APBB1IP: variants seen among roughly 807,000 people sequenced by gnomAD.
The protein encoded by APBB1IP is amyloid beta A4 precursor protein-binding family B member 1-interacting protein.
A neutral mutation model predicts 64.9 loss-of-function variants in APBB1IP; 27 were observed. That is an observed-to-expected ratio of 0.42 (90% CI 0.31 to 0.57). APBB1IP has a LOEUF of 0.57. Among genes scored for constraint, APBB1IP ranks in the 20% least tolerant of loss-of-function variants. APBB1IP has a pLI of 0.20. For missense variants in APBB1IP, 812 were observed against 845.5 expected (o/e 0.96, Z 0.49); for synonymous variants, 392 against 331.0 (o/e 1.18, Z -2.00).
chr10:26,492,967 G>C (rs1306372959), intron 3 of APBB1IP, among the ~76,000 whole-genome samples: 1 of 152,162 alleles, frequency 6.6e-6, no homozygotes, highest in East Asian at 1.9e-4. Context: ...GCCAGGGCAT[G>C]TTTCATCCGT....
chr10:26,449,050 G>A (rs1027977496), intron 2 of APBB1IP, among the ~76,000 whole-genome samples: 1 of 152,204 alleles, frequency 6.6e-6, no homozygotes. Context: ...TGGAAAATGG[G>A]TTGGAGATGC....
At chr10:26,515,203 C>T (rs1004243078) in intron 8 of APBB1IP, among the ~76,000 whole-genome samples, 4 of 152,080 alleles carry the variant, frequency 2.6e-5, no homozygotes, top group African/African-American at 7.2e-5. Flanking sequence ...TTAACAACTG[C>T]GTTAGTGAGG....
chr10:26,561,198 AG>A (rs1836967441), intron 13 of APBB1IP, among the ~76,000 whole-genome samples: 2 of 147,408 alleles, frequency 1.4e-5, no homozygotes, highest in Non-Finnish European at 3.0e-5. Flanking sequence ...CCTCCTGAGT[AG>A]CTGGGACTAC....
At chr10:26,455,116 G>A (rs2132401773) in intron 2 of APBB1IP, among the ~76,000 whole-genome samples, 1 of 151,868 alleles carries the variant, frequency 6.6e-6, no homozygotes, top group South Asian at 2.1e-4. Flanking sequence ...GGGTAGTTCT[G>A]ATTTTTTGCC....
Position 26,514,780 on chromosome 10 carries a change from T to G in APBB1IP, c.813+1120T>G, listed in dbSNP as rs559142609. On this transcript the variant is annotated intron_variant, in intron 8 of 14. Coordinates refer to ENST00000376236, the MANE Select transcript of APBB1IP (RefSeq NM_019043.4). ...TTTTCTGGGTTTTCCCTAGGTTGTA[T>G]GGTGGCTGACTGACAACACAACAAT... 1.3e-4 allele frequency among the ~76,000 whole-genome samples: 20 copies of G among 152,308 alleles called. No individual in the cohort carries two copies. In the South Asian group the frequency reaches 2.9e-3, roughly 22 times the overall value.
chr10:26,501,463 A>C, intron 5 of APBB1IP: 1 of 430,010 alleles, frequency 2.3e-6, no homozygotes, highest in South Asian at 4.7e-5. Flanking sequence ...TTCTTAGCTC[A>C]GTACATAGAG....
intron 2 of APBB1IP, among the ~76,000 whole-genome samples, chr10:26,441,415 C>T (rs1436402990): frequency 1.3e-5 from 2 of 152,120 alleles, no homozygotes; most frequent in African/African-American, 4.8e-5. Context: ...TACACCTATA[C>T]CCAGTTAAAG....
chr10:26,537,381 C>A (rs867448337), intron 10 of APBB1IP, among the ~76,000 whole-genome samples: 6 of 152,048 alleles, frequency 3.9e-5, no homozygotes, highest in African/African-American at 1.4e-4. Context: ...TTGTCTCTAT[C>A]GGAAGACAGG....
Position 26,567,447 on chromosome 10 carries a change from C to T in APBB1IP, c.1960C>T (p.Leu654Phe), listed in dbSNP as rs753855824. 6.2e-7 allele frequency: 1 copy of T among 1,604,446 alleles called. No homozygotes were observed. The highest frequency in any genetic ancestry group is 1.3e-5 in the African/African-American group (1 of 74,662). The change falls in exon 15 of 15, where the codon CTC (leucine) becomes TTC (phenylalanine). Residue 654 changes from leucine (L) to phenylalanine (F), a missense_variant. This residue lies in a region of APBB1IP where 381 missense variants were observed against 352.1 expected (regional missense o/e 1.08). Transcript: ENST00000376236. ...GGGEQDFMSD[L>F]MKALQKKRGN... ...CGGGGAGCAAGATTTCATGTCAGAC[C>T]TCATGAAAGCTTTGCAAAAGAAGAG...
chr10:26,530,688 CAAA>C (rs35100053), intron 8 of APBB1IP, among the ~76,000 whole-genome samples: 2 of 145,328 alleles, frequency 1.4e-5, no homozygotes, highest in African/African-American at 2.5e-5. Flanking sequence ...GACTCTGTCT[CAAA>C]AAAAAAAAAA....
chr10:26,552,083 G>A (rs1836838725), intron 11 of APBB1IP, among the ~76,000 whole-genome samples: 1 of 152,196 alleles, frequency 6.6e-6, no homozygotes, highest in African/African-American at 2.4e-5. Flanking sequence ...AGGATCGCTT[G>A]AGCCCAGGAG....
At chr10:26,513,729 C>A (rs550684957) in intron 8 of APBB1IP, 69 bp downstream of exon 8, 19 of 1,497,338 alleles carry the variant, frequency 1.3e-5, no homozygotes, top group Non-Finnish European at 1.7e-5. Context: ...GAGACGGAGT[C>A]TCAAAGGCTG....
chr10:26,543,757 C>CAG (rs1286296475), intron 11 of APBB1IP, among the ~76,000 whole-genome samples: 1 of 152,044 alleles, frequency 6.6e-6, no homozygotes, highest in Non-Finnish European at 1.5e-5. Context: ...GGGGTGTTCA[C>CAG]AGAGAGGCTC....
intron 2 of APBB1IP, among the ~76,000 whole-genome samples, chr10:26,463,864 A>G (rs910269008): frequency 6.6e-6 from 1 of 152,146 alleles, no homozygotes; most frequent in Non-Finnish European, 1.5e-5. Context: ...CACATGCATT[A>G]GGTATTTGTC....
chr10:26,479,622 C>G (rs374291045), intron 2 of APBB1IP, among the ~76,000 whole-genome samples: 1 of 151,996 alleles, frequency 6.6e-6, no homozygotes, highest in African/African-American at 2.4e-5. Flanking sequence ...AAAATTGACA[C>G]GTAAGTGTAT....
intron 2 of APBB1IP, among the ~76,000 whole-genome samples, chr10:26,452,985 A>G (rs1835481913): frequency 6.6e-6 from 1 of 152,156 alleles, no homozygotes; most frequent in Non-Finnish European, 1.5e-5. Flanking sequence ...AATATTTTAC[A>G]TTATTCTTAT....
intron 2 of APBB1IP, among the ~76,000 whole-genome samples, chr10:26,452,863 TA>T (rs1476577470): frequency 2.0e-5 from 3 of 152,228 alleles, no homozygotes; most frequent in African/African-American, 7.2e-5. Flanking sequence ...TATAGCCATG[TA>T]TACTCATTGT....
At chr10:26,460,448 T>C (rs994927585) in intron 2 of APBB1IP, among the ~76,000 whole-genome samples, 1 of 152,184 alleles carries the variant, frequency 6.6e-6, no homozygotes, top group Non-Finnish European at 1.5e-5. Flanking sequence ...CTCTTTCCCC[T>C]TTTTTATGAG....
At position 26,506,361 on chromosome 10, in the gene APBB1IP, C is replaced by A. The variant is rs567518863; in HGVS notation, c.531+3087C>A. On this transcript the variant is annotated intron_variant, in intron 6 of 14. Transcript: ENST00000376236. ...TTCCTGGGCTCAAGTGATCCTCCCA[C>A]CCAGCCTCCCAAGTAGCTGAGACTA... is the stretch of plus-strand genomic sequence containing the variant. Among the ~76,000 whole-genome samples, 23 of 152,068 alleles carry A rather than the reference C, an allele frequency of 1.5e-4. No homozygotes were observed. The East Asian group carries it at 4.5e-3, about 30-fold the overall frequency.
Sources: gnomAD v4.1 joint callset for allele counts (sites outside exome capture counted in the v4.1 genomes callset) on GRCh38, gnomAD v4.1.1 for gene constraint, gnomAD v4.1.1 regional missense constraint, MANE v1.5 for transcripts, NCBI Gene and HGNC (gene_info 2026-07-23, HGNC 2026-07-21) for gene names.